NCOA6: variants seen among roughly 807,000 people sequenced by gnomAD.
NCOA6 encodes nuclear receptor coactivator 6, also known as NRC RAP250.
NCOA6 carries 49 observed loss-of-function variants against 171.4 expected under a neutral mutation model. The observed-to-expected ratio is 0.29, with a 90% confidence interval of 0.23 to 0.36. NCOA6 has a LOEUF of 0.36. NCOA6 is among the 10% of genes least tolerant of loss of function. NCOA6 has a pLI of 1.00. For synonymous variants in NCOA6, 910 were observed against 927.5 expected (o/e 0.98, Z 0.34); for missense variants, 2,248 against 2,554.5 (o/e 0.88, Z 2.59).
At chr20:34,744,889 A>C (rs1437025086) in intron 10 of NCOA6, among the ~76,000 whole-genome samples, 1 of 152,212 alleles carries the variant, frequency 6.6e-6, no homozygotes, top group African/African-American at 2.4e-5. Context: ...TTATCTTTAA[A>C]ATCAGCCCAC....
intron 1 of NCOA6, among the ~76,000 whole-genome samples, chr20:34,817,263 G>C (rs926307194): frequency 6.6e-6 from 1 of 151,692 alleles, no homozygotes. Context: ...TGTGACGGAG[G>C]GGGAGGGGTT....
At chr20:34,823,411 TG>T (rs2079063414) in intron 1 of NCOA6, among the ~76,000 whole-genome samples, 1 of 152,212 alleles carries the variant, frequency 6.6e-6, no homozygotes, top group Admixed American at 6.5e-5. Context: ...TGAATTGTGT[TG>T]CTGTATATAC....
intron 1 of NCOA6, among the ~76,000 whole-genome samples, chr20:34,810,502 A>G (rs2078618393): frequency 6.6e-6 from 1 of 152,040 alleles, no homozygotes; most frequent in East Asian, 1.9e-4. Flanking sequence ...TGTACCATCC[A>G]TATGAGGAAA....
intron 1 of NCOA6, among the ~76,000 whole-genome samples, chr20:34,815,172 G>A (rs1468057136): frequency 6.6e-6 from 1 of 151,452 alleles, no homozygotes. Flanking sequence ...CCAGGAGGTT[G>A]AGACTGGCCT....
In NCOA6 at chr20:34,806,186, T is replaced by C. The variant is rs1465948124; in HGVS notation, c.-163-13623A>G. 2.6e-5 allele frequency among the ~76,000 whole-genome samples: 4 copies of C among 152,256 alleles called. No individual in the cohort carries two copies. The East Asian group carries it at 7.7e-4, about 29-fold the overall frequency. On this transcript the variant is annotated intron_variant, in intron 1 of 14. Coordinates refer to ENST00000359003, the MANE Select transcript of NCOA6 (RefSeq NM_014071.5). ...ACTAGTAATGTTAAGCAGATTTTCA[T>C]ATACTTGCTGACAATTTTACATTTT...
chr20:34,718,065 G>A (rs578240455), intron 14 of NCOA6, among the ~76,000 whole-genome samples: 2 of 152,144 alleles, frequency 1.3e-5, no homozygotes, highest in African/African-American at 2.4e-5. Context: ...GAATCAATGA[G>A]TGGGGTCAGG....
chr20:34,824,996 G>A (rs1053183650), intron 1 of NCOA6, among the ~76,000 whole-genome samples: 2 of 151,842 alleles, frequency 1.3e-5, no homozygotes, highest in Non-Finnish European at 2.9e-5. Flanking sequence ...CTCTAACACC[G>A]CCTAAGGCCT....
chr20:34,739,537 T>C (rs190023902), intron 11 of NCOA6, among the ~76,000 whole-genome samples: 1 of 152,186 alleles, frequency 6.6e-6, no homozygotes, highest in African/African-American at 2.4e-5. Flanking sequence ...TGAGATAGAG[T>C]ACAGTGAGAA....
At chr20:34,778,828 G>A (rs566045279) in intron 3 of NCOA6, among the ~76,000 whole-genome samples, 6 of 151,854 alleles carry the variant, frequency 4.0e-5, no homozygotes, top group South Asian at 2.1e-4. Context: ...GTGTGGTGGC[G>A]GGCGCCTGTA....
In NCOA6 at chr20:34,732,455, G is replaced by C. The variant is rs1240781408; in HGVS notation, c.5999+104C>G. On this transcript the variant is annotated intron_variant, in intron 13 of 14. Coordinates refer to ENST00000359003, the MANE Select transcript of NCOA6 (RefSeq NM_014071.5). ...AAAAACAGACTGGTGCAAGAGTGAA[G>C]GAAAAGGACAAGGTGAAGAGAGGTT... The C allele has an allele frequency of 5.3e-6, 6 of 1,125,244 alleles. No homozygotes were observed. In the East Asian group the frequency reaches 1.5e-4, roughly 27 times the overall value. The allele number at this position is 1,125,244 out of a possible 1,614,324, so 69.7% of individuals were successfully genotyped here.
chr20:34,723,745 T>G (rs1347949847), intron 14 of NCOA6, among the ~76,000 whole-genome samples: 1 of 152,208 alleles, frequency 6.6e-6, no homozygotes, highest in Non-Finnish European at 1.5e-5. Flanking sequence ...CATCTCTTCT[T>G]GGCTGGTAGT....
Position 34,782,290 on chromosome 20 carries a change from T to G in NCOA6, c.66A>C (p.Glu22Asp). Residue 22 changes from glutamate to aspartate, a missense_variant, in exon 3 of 15, where the codon GAA becomes GAC. Around this residue, in one of 7 missense-constraint regions of NCOA6, gnomAD observed 987 missense variants for 1,104.7 expected, o/e 0.89. Transcript: ENST00000359003. ...IYTSLCSSTM[E>D]DSEMDFDSGL... ...CAGAGTCAAAATCCATCTCTGAGTC[T>G]TCCATTGTTGATGAACACAAGGAAG... The G allele has an allele frequency of 6.2e-7, 1 of 1,613,010 alleles. No individual in the cohort carries two copies.
chr20:34,770,720 T>C (rs554878934), intron 4 of NCOA6, among the ~76,000 whole-genome samples: 1 of 151,394 alleles, frequency 6.6e-6, no homozygotes, highest in East Asian at 2.0e-4. Context: ...AACGTCTGCC[T>C]CCGGGTTCAA....
At chr20:34,790,027 G>C (rs1442234883) in intron 2 of NCOA6, among the ~76,000 whole-genome samples, 1 of 150,832 alleles carries the variant, frequency 6.6e-6, no homozygotes, top group Non-Finnish European at 1.5e-5. Context: ...TTGAGGTCAG[G>C]AGTTCGAGAC....
At chr20:34,804,808 A>C (rs1388205309) in intron 1 of NCOA6, among the ~76,000 whole-genome samples, 1 of 152,158 alleles carries the variant, frequency 6.6e-6, no homozygotes, top group African/African-American at 2.4e-5. Context: ...TAATTAGCAC[A>C]TCCATCACCT....
intron 1 of NCOA6, among the ~76,000 whole-genome samples, chr20:34,796,972 T>C (rs1037650420): frequency 1.3e-5 from 2 of 152,226 alleles, no homozygotes; most frequent in African/African-American, 2.4e-5. Flanking sequence ...AAGTTAGCTA[T>C]AAATAAAACC....
In NCOA6 at chr20:34,768,404, A is replaced by G. The variant is rs1408255903; in HGVS notation, c.514+60T>C. 8.7e-6 allele frequency: 14 copies of G among 1,600,956 alleles called. No homozygotes were observed. In the East Asian group the frequency reaches 8.9e-5, roughly 10 times the overall value. ...CCACCTATCTTGCAGGGCTCAAATG[A>G]TCAAATAAGCCAAAAAAGGAAACTA... On this transcript the variant is annotated intron_variant, in intron 5 of 14. Transcript: ENST00000359003.
rs761374604 is a variant in NCOA6 at position 34,749,708 on chromosome 20, G to C, written c.2487C>G (p.Val829=). ...PDVSIQQTNM[V]PPHVQAMQGN... ...CCTGCATGGCCTGCACATGAGGGGG[G>C]ACCATGTTGGTTTGTTGAATGCTAA... The change falls in exon 9 of 15, where the codon GTC becomes GTG. Residue 829 remains valine (V), a synonymous_variant. Transcript: ENST00000359003. The C allele has an allele frequency of 2.5e-6, 4 of 1,614,202 alleles. No individual in the cohort carries two copies. The East Asian group carries it at 8.9e-5, about 36-fold the overall frequency.
chr20:34,780,216 T>C (rs2077474068), intron 3 of NCOA6, among the ~76,000 whole-genome samples: 1 of 152,242 alleles, frequency 6.6e-6, no homozygotes, highest in African/African-American at 2.4e-5. Flanking sequence ...TGTAATATGC[T>C]TGCAGAAAAA....
Sources: allele counts gnomAD v4.1 joint callset (sites outside exome capture counted in the v4.1 genomes callset), GRCh38; gene constraint gnomAD v4.1.1; regional missense constraint gnomAD v4.1.1; transcripts MANE v1.5; gene names NCBI Gene and HGNC (gene_info 2026-07-23, HGNC 2026-07-21).